Variants in AFG2A observed in about 807,000 individuals in gnomAD.
AFG2A encodes AAA ATPase AFG2A, also known as ATPase family gene 2 protein homolog A.
chr4:123,159,795 T>G, the AFG2A span, among the ~76,000 whole-genome samples: 1 of 152,122 alleles, frequency 6.6e-6, no homozygotes, highest in Non-Finnish European at 1.5e-5. Context: ...GGATAATGTA[T>G]CAGAATCAAT....
chr4:123,227,300 G>A, the AFG2A span, among the ~76,000 whole-genome samples: 1 of 152,116 alleles, frequency 6.6e-6, no homozygotes, highest in Non-Finnish European at 1.5e-5. Context: ...TAATTGTGAT[G>A]TCAGGGTATC....
At chr4:122,938,537 G>C in the AFG2A span, among the ~76,000 whole-genome samples, 1 of 152,102 alleles carries the variant, frequency 6.6e-6, no homozygotes, top group Non-Finnish European at 1.5e-5. Context: ...TTGAAGCAAA[G>C]ATCAGTAAGG....
the AFG2A span, among the ~76,000 whole-genome samples, chr4:123,107,198 T>C: frequency 1.3e-5 from 2 of 152,186 alleles, no homozygotes; most frequent in African/African-American, 4.8e-5. Flanking sequence ...ACCCTCAATG[T>C]GGCAAGTCAG....
chr4:123,298,714 T>C, the AFG2A span, among the ~76,000 whole-genome samples: 1 of 152,164 alleles, frequency 6.6e-6, no homozygotes, highest in African/African-American at 2.4e-5. Flanking sequence ...GACTTGGGAT[T>C]TTTCTTAAAG....
the AFG2A span, among the ~76,000 whole-genome samples, chr4:123,189,155 G>C: frequency 6.6e-6 from 1 of 152,196 alleles, no homozygotes; most frequent in Non-Finnish European, 1.5e-5. Context: ...GGTAATATGT[G>C]TGCAACAGGA....
At chr4:123,072,258 C>T in the AFG2A span, among the ~76,000 whole-genome samples, 1 of 152,122 alleles carries the variant, frequency 6.6e-6, no homozygotes, top group Admixed American at 6.6e-5. Context: ...CACAGAGCAA[C>T]TTACACATGT....
the AFG2A span, chr4:122,933,448 T>C: frequency 1.2e-6 from 2 of 1,612,282 alleles, no homozygotes; most frequent in South Asian, 1.1e-5. Context: ...GTGACAAAGA[T>C]ATGGAAATTA....
At chr4:123,262,063 A>G in the AFG2A span, among the ~76,000 whole-genome samples, 1 of 152,282 alleles carries the variant, frequency 6.6e-6, no homozygotes, top group African/African-American at 2.4e-5. Context: ...GGCCTGAGCC[A>G]CTGTGTCTGG....
At chr4:123,174,954 C>G in the AFG2A span, among the ~76,000 whole-genome samples, 1 of 152,084 alleles carries the variant, frequency 6.6e-6, no homozygotes, top group Non-Finnish European at 1.5e-5. Context: ...CCTCATCCCC[C>G]TCAGGTAGCT....
chr4:123,300,349 C>T, the AFG2A span, among the ~76,000 whole-genome samples: 1 of 152,128 alleles, frequency 6.6e-6, no homozygotes, highest in Non-Finnish European at 1.5e-5. Context: ...GTGTTATTTC[C>T]TTCCGTTACC....
At chr4:123,240,409 A>G in the AFG2A span, among the ~76,000 whole-genome samples, 8 of 152,232 alleles carry the variant, frequency 5.3e-5, no homozygotes, top group Non-Finnish European at 1.0e-4. Context: ...ATGTAAAAAC[A>G]GGAATCACAA....
the AFG2A span, among the ~76,000 whole-genome samples, chr4:122,961,263 T>C: frequency 6.6e-6 from 1 of 152,254 alleles, no homozygotes; most frequent in Admixed American, 6.5e-5. Context: ...TTAAACATTT[T>C]CTAAAAATTG....
At chr4:122,948,648 G>A in the AFG2A span, among the ~76,000 whole-genome samples, 1 of 152,048 alleles carries the variant, frequency 6.6e-6, no homozygotes, top group Non-Finnish European at 1.5e-5. Context: ...TGAAACTTAG[G>A]GCTTATTTGG....
chr4:123,294,249 T>C, the AFG2A span, among the ~76,000 whole-genome samples: 1 of 152,166 alleles, frequency 6.6e-6, no homozygotes, highest in African/African-American at 2.4e-5. Flanking sequence ...CTCTGTAAGA[T>C]TTCTTTGGTT....
the AFG2A span, among the ~76,000 whole-genome samples, chr4:123,301,370 T>A: frequency 6.6e-6 from 1 of 152,110 alleles, no homozygotes; most frequent in African/African-American, 2.4e-5. Flanking sequence ...TCTAAATAAA[T>A]GGCTTATAAA....
chr4:122,946,364 G>C, the AFG2A span, among the ~76,000 whole-genome samples: 1 of 152,210 alleles, frequency 6.6e-6, no homozygotes, highest in South Asian at 2.1e-4. Context: ...TTGCCTTTGG[G>C]CAAGGAATGG....
chr4:123,171,842 A>T, the AFG2A span, among the ~76,000 whole-genome samples: 1 of 151,772 alleles, frequency 6.6e-6, no homozygotes, highest in East Asian at 1.9e-4. Flanking sequence ...ATATATATAG[A>T]ATTCCTTGAC....
At chr4:123,012,439 G>A in the AFG2A span, among the ~76,000 whole-genome samples, 1 of 152,074 alleles carries the variant, frequency 6.6e-6, no homozygotes, top group Non-Finnish European at 1.5e-5. Context: ...GAGACACAGA[G>A]AGAAGGGGTG....
At chr4:123,044,521 T>A in the AFG2A span, among the ~76,000 whole-genome samples, 1 of 152,182 alleles carries the variant, frequency 6.6e-6, no homozygotes, top group East Asian at 1.9e-4. Context: ...CTTGCTTCAA[T>A]TTTAACAAAA....
Sources: allele counts gnomAD v4.1 joint callset (sites outside exome capture counted in the v4.1 genomes callset), GRCh38; gene constraint gnomAD v4.1.1; transcripts MANE v1.5; gene names NCBI Gene and HGNC (gene_info 2026-07-23, HGNC 2026-07-21).